The following LMBRD1 variants were observed in gnomAD, a reference collection of about 807,000 sequenced individuals.
LMBRD1 encodes lysosomal cobalamin transport escort protein LMBD1.
Under a neutral mutation model 74.8 loss-of-function variants are expected in LMBRD1, and 64 were observed. That is an observed-to-expected ratio of 0.86 (90% confidence interval 0.70 to 1.05). The LOEUF is 1.05. Among genes scored for constraint, LMBRD1 ranks in the 50% least tolerant of loss-of-function variants. The pLI is 0.00. For missense variants in LMBRD1, 652 were observed against 645.9 expected (o/e 1.01, Z -0.10); for synonymous variants, 204 against 216.3 (o/e 0.94, Z 0.50).
chr6:69,680,526 TGCCC>T, intron 14 of LMBRD1, among the ~76,000 whole-genome samples: 1 of 152,002 alleles, frequency 6.6e-6, no homozygotes, highest in Non-Finnish European at 1.5e-5. Flanking sequence ...CTCTGACTCT[TGCCC>T]ACCACCAAAA....
rs186062424 is a variant in LMBRD1, at chr6:69,745,510, G to A, written c.474-3633C>T. Among the ~76,000 whole-genome samples, 181 of 151,490 alleles carry A rather than the reference G, an allele frequency of 1.2e-3. 1 individual carries two copies. Among genetic ancestry groups the A allele is most frequent in the Admixed American group, 4.5e-3 (69 of 15,220 alleles). ...CCTGACCTCATGATCCACCCGCCTCGGCCTCCCAAAGTGCTGGGATTACAG... is the reference window on the plus strand; with the variant it reads ...CCTGACCTCATGATCCACCCGCCTCAGCCTCCCAAAGTGCTGGGATTACAG... On this transcript the variant is annotated intron_variant, in intron 5 of 15. Coordinates refer to ENST00000649934, the MANE Select transcript of LMBRD1 (RefSeq NM_018368.4).
At position 69,777,444 on chromosome 6, in the gene LMBRD1, C is replaced by CAAA. The variant is rs71741122; in HGVS notation, c.307+3047_307+3049dup. On this transcript the variant is annotated intron_variant, in intron 3 of 15. Transcript: ENST00000649934. Reference sequence around the variant, plus strand: ...TGCGCAACAGAGCAAGACTCTGTTGCAAAAAAAAAAAAAAAAGAGGCCCCA... The same window carrying CAAA: ...TGCGCAACAGAGCAAGACTCTGTTGCAAAAAAAAAAAAAAAAAAAGAGGCCCCA... 4.9e-3 allele frequency among the ~76,000 whole-genome samples: 509 copies of CAAA among 104,104 alleles called. 9 individuals are homozygous for CAAA. Among genetic ancestry groups the CAAA allele is most frequent in the African/African-American group, 0.019 (450 of 24,076 alleles). The allele number at this position is 104,104 out of a possible 152,430, so 68.3% of individuals were successfully genotyped here.
intron 9 of LMBRD1, among the ~76,000 whole-genome samples, chr6:69,712,286 G>GTTTAA (rs1766399724): frequency 6.6e-6 from 1 of 152,084 alleles, no homozygotes; most frequent in Non-Finnish European, 1.5e-5. Context: ...AGGTAATTAG[G>GTTTAA]TTTAAGTACC....
rs553185753 is a variant in LMBRD1, at chr6:69,745,384, G to A, written c.474-3507C>T. On this transcript the variant is annotated intron_variant, in intron 5 of 15. Coordinates refer to ENST00000649934, the MANE Select transcript of LMBRD1 (RefSeq NM_018368.4). ...CGCCATTCTCCTGCCTCAGCCTCCC[G>A]AGTAGCTGGGACTACAGGCGCCCGC... 3.6e-4 allele frequency among the ~76,000 whole-genome samples: 54 copies of A among 149,698 alleles called. No homozygotes were observed. In the East Asian group the frequency reaches 0.01, roughly 29 times the overall value.
chr6:69,718,291 TATA>T (rs752557613), intron 8 of LMBRD1, among the ~76,000 whole-genome samples: 51 of 152,168 alleles, frequency 3.4e-4, no homozygotes, highest in Non-Finnish European at 4.0e-4. Context: ...TATAGTAAAA[TATA>T]ATATTATAAA....
At chr6:69,768,104 C>A (rs559458288) in intron 3 of LMBRD1, among the ~76,000 whole-genome samples, 2 of 151,830 alleles carry the variant, frequency 1.3e-5, no homozygotes, top group East Asian at 1.9e-4. Flanking sequence ...ATAGACAACA[C>A]GTTGACGAAT....
chr6:69,792,341 T>C (rs937086609), intron 1 of LMBRD1, among the ~76,000 whole-genome samples: 7 of 152,232 alleles, frequency 4.6e-5, no homozygotes, highest in Non-Finnish European at 1.0e-4. Flanking sequence ...AGTATCACCC[T>C]GACAACCACT....
rs140050498 is a variant in LMBRD1, at chr6:69,711,719, C to T, written c.915+1926G>A. On this transcript the variant is annotated intron_variant, in intron 9 of 15. Transcript: ENST00000649934. Reference sequence around the variant, plus strand: ...TTTTAAAAATCTCTTTCAAACCAGGCGCTTTTTAGGGTGAGCAGTTAGTGC... The same window carrying T: ...TTTTAAAAATCTCTTTCAAACCAGGTGCTTTTTAGGGTGAGCAGTTAGTGC... Among the ~76,000 whole-genome samples the T allele has an allele frequency of 3.4e-3, 522 of 152,158 alleles. 4 individuals carry two copies. Among genetic ancestry groups the T allele is most frequent in the African/African-American group, 0.012 (479 of 41,536 alleles).
In LMBRD1 at chr6:69,796,981, G is replaced by A. The variant is rs1766251354; in HGVS notation, c.-100C>T. 1 of 1,018,364 alleles carries A rather than the reference G, an allele frequency of 9.8e-7. No homozygotes were observed. The highest frequency in any genetic ancestry group is 1.6e-5 in the African/African-American group (1 of 63,074). 63.1% of individuals were successfully genotyped at this position (1,018,364 alleles called of 1,614,324 possible). ...ATATACTGCACCCGCGCACCCTAAA[G>A]GTTAAAGGGGCGGAGGGGGAGGAGC... On this transcript the variant is annotated 5_prime_UTR_variant, in exon 1 of 16. Transcript: ENST00000649934.
intron 3 of LMBRD1, among the ~76,000 whole-genome samples, chr6:69,756,319 C>T (rs560189038): frequency 5.2e-4 from 77 of 149,254 alleles, no homozygotes; most frequent in Non-Finnish European, 8.8e-4. Flanking sequence ...GCCCAATTCG[C>T]GCCACTGCAC....
intron 3 of LMBRD1, among the ~76,000 whole-genome samples, chr6:69,773,263 C>T (rs1370754004): frequency 6.6e-6 from 1 of 152,098 alleles, no homozygotes; most frequent in African/African-American, 2.4e-5. Context: ...CTCCATTGCC[C>T]TTCTGCCATG....
At chr6:69,790,954 C>T (rs1169911669) in intron 1 of LMBRD1, among the ~76,000 whole-genome samples, 2 of 152,176 alleles carry the variant, frequency 1.3e-5, no homozygotes, top group East Asian at 3.8e-4. Flanking sequence ...CCAGTAATCA[C>T]CATGCAATTA....
At chr6:69,691,422 C>T (rs377643866) in intron 14 of LMBRD1, among the ~76,000 whole-genome samples, 1 of 152,228 alleles carries the variant, frequency 6.6e-6, no homozygotes, top group Non-Finnish European at 1.5e-5. Context: ...CTGTTTACAA[C>T]TTATGTGGCT....
At chr6:69,743,427 C>T (rs1767149968) in intron 5 of LMBRD1, among the ~76,000 whole-genome samples, 1 of 152,124 alleles carries the variant, frequency 6.6e-6, no homozygotes, top group Non-Finnish European at 1.5e-5. Context: ...TTAACCCTTG[C>T]TCTTGATGAC....
rs1051366664 is a variant in LMBRD1 at position 69,713,706 on chromosome 6, T to C, written c.854A>G (p.His285Arg). ...CCAGCTGTTTTCAATGAATTCTAAA[T>C]GCCTCTCTCTCTTCTTAAGTGTTCG... ...RLRTLKKRER[H>R]LEFIENSWWT... The change falls in exon 9 of 16, where the codon CAT (histidine) becomes CGT (arginine). Residue 285 changes from histidine to arginine, a missense_variant. Physicochemically the swap from His to Arg is conservative, Grantham distance 29 (BLOSUM62 0). This residue lies in a region of LMBRD1 where 598 missense variants were observed against 581.8 expected (regional missense o/e 1.03). Coordinates refer to ENST00000649934, the MANE Select transcript of LMBRD1 (RefSeq NM_018368.4). 15 of 1,613,642 alleles carry C rather than the reference T, an allele frequency of 9.3e-6. No homozygotes were observed. The highest frequency in any genetic ancestry group is 1.3e-5 in the Non-Finnish European group (15 of 1,179,732).
intron 1 of LMBRD1, among the ~76,000 whole-genome samples, chr6:69,795,991 T>A (rs1039580983): frequency 2.0e-5 from 3 of 152,144 alleles, no homozygotes; most frequent in African/African-American, 7.2e-5. Context: ...AAGAGAAGAT[T>A]TGAGAAGGTA....
At chr6:69,784,845 T>C (rs1765912859) in intron 2 of LMBRD1, among the ~76,000 whole-genome samples, 2 of 152,168 alleles carry the variant, frequency 1.3e-5, no homozygotes, top group South Asian at 2.1e-4. Flanking sequence ...AAAATTTCTC[T>C]CACTGTACTG....
intron 3 of LMBRD1, among the ~76,000 whole-genome samples, chr6:69,767,882 CTG>C (rs1765502631): frequency 6.6e-6 from 1 of 151,884 alleles, no homozygotes; most frequent in Admixed American, 6.6e-5. Context: ...TTTTAAAGCT[CTG>C]TTAATAGGTG....
intron 1 of LMBRD1, among the ~76,000 whole-genome samples, chr6:69,796,000 T>C (rs899904026): frequency 4.6e-5 from 7 of 152,218 alleles, no homozygotes; most frequent in Admixed American, 1.3e-4. Context: ...TTTGAGAAGG[T>C]AGAGAAGTTA....
Sources: allele counts gnomAD v4.1 joint callset (sites outside exome capture counted in the v4.1 genomes callset), GRCh38; gene constraint gnomAD v4.1.1; regional missense constraint gnomAD v4.1.1; transcripts MANE v1.5; gene names NCBI Gene and HGNC (gene_info 2026-07-23, HGNC 2026-07-21).